Variants in WWOX observed in about 807,000 individuals in gnomAD.
The protein encoded by WWOX is WW domain containing oxidoreductase.
A neutral mutation model predicts 46.2 loss-of-function variants in WWOX; 69 were observed. That is an observed-to-expected ratio of 1.49 (90% CI 1.23 to 1.82). WWOX has a LOEUF of 1.82. Among genes scored for constraint, WWOX ranks in the 40% most tolerant of loss-of-function variants. WWOX has a pLI of 0.00. For synonymous variants in WWOX, 359 were observed against 202.6 expected, an observed-to-expected ratio of 1.77 and a Z score of -6.56; for missense variants, 919 against 542.6, an observed-to-expected ratio of 1.69 and a Z score of -6.89.
intron 8 of WWOX, among the ~76,000 whole-genome samples, chr16:78,632,800 C>G (rs1002287489): frequency 1.3e-5 from 2 of 151,870 alleles, no homozygotes; most frequent in Non-Finnish European, 2.9e-5. Context: ...TCAGGTGATC[C>G]ACCCGCCTCA....
chr16:78,169,325 G>A (rs16947208), intron 5 of WWOX, among the ~76,000 whole-genome samples: 7,958 of 152,136 alleles, frequency 0.052, 341 homozygotes, highest in East Asian at 0.24. Flanking sequence ...AGTTCTCTAA[G>A]TCTGGGACAA....
At chr16:78,645,675 G>T (rs534113931) in intron 8 of WWOX, among the ~76,000 whole-genome samples, 1 of 152,056 alleles carries the variant, frequency 6.6e-6, no homozygotes, top group Non-Finnish European at 1.5e-5. Context: ...AATAGAGGGA[G>T]AACATTAATC....
chr16:78,456,660 G>A (rs2083824389), intron 8 of WWOX, among the ~76,000 whole-genome samples: 1 of 152,158 alleles, frequency 6.6e-6, no homozygotes, highest in African/African-American at 2.4e-5. Context: ...GAAACATCCT[G>A]ATATATTTTT....
At chr16:79,141,263 T>A (rs572888307) in intron 8 of WWOX, among the ~76,000 whole-genome samples, 3 of 152,282 alleles carry the variant, frequency 2.0e-5, no homozygotes, top group East Asian at 3.9e-4. Context: ...TTGCTCTGAG[T>A]TGTCCCACCT....
At chr16:79,092,478 G>C (rs1028911526) in intron 8 of WWOX, among the ~76,000 whole-genome samples, 4 of 152,118 alleles carry the variant, frequency 2.6e-5, no homozygotes, top group Non-Finnish European at 4.4e-5. Context: ...TCACCACCAG[G>C]CTGACCCTAT....
At chr16:78,568,660 A>C (rs1344756884) in intron 8 of WWOX, among the ~76,000 whole-genome samples, 1 of 151,774 alleles carries the variant, frequency 6.6e-6, no homozygotes, top group Non-Finnish European at 1.5e-5. Context: ...ATTTTAGTAG[A>C]GGTGGGGTTT....
intron 6 of WWOX, among the ~76,000 whole-genome samples, chr16:78,391,583 C>T (rs2082174959): frequency 6.6e-6 from 1 of 152,190 alleles, no homozygotes. Flanking sequence ...CACGGTGGCT[C>T]ACACATGTAA....
chr16:78,719,648 C>G (rs775315890), intron 8 of WWOX, among the ~76,000 whole-genome samples: 1 of 152,064 alleles, frequency 6.6e-6, no homozygotes, highest in Non-Finnish European at 1.5e-5. Flanking sequence ...TTAGATTGCT[C>G]TGTCTTACAC....
At chr16:78,471,894 C>G (rs1222629735) in intron 8 of WWOX, among the ~76,000 whole-genome samples, 3 of 151,826 alleles carry the variant, frequency 2.0e-5, no homozygotes, top group Non-Finnish European at 4.4e-5. Context: ...TTCTATTCAC[C>G]AAAATATTCC....
At chr16:78,724,235 C>A (rs896061718) in intron 8 of WWOX, among the ~76,000 whole-genome samples, 1 of 152,182 alleles carries the variant, frequency 6.6e-6, no homozygotes, top group African/African-American at 2.4e-5. Context: ...GTTGAGCAGT[C>A]TTCTAGGGCC....
intron 5 of WWOX, among the ~76,000 whole-genome samples, chr16:78,313,723 A>G (rs150193007): frequency 2.0e-5 from 3 of 152,212 alleles, no homozygotes; most frequent in Non-Finnish European, 2.9e-5. Context: ...TGTCCCTGCC[A>G]TCTAAATGCT....
intron 8 of WWOX, among the ~76,000 whole-genome samples, chr16:78,774,048 A>G (rs990669282): frequency 2.6e-5 from 4 of 152,122 alleles, no homozygotes; most frequent in Admixed American, 2.0e-4. Context: ...TAATTTTTTC[A>G]TGTTCCTTGA....
At chr16:78,899,512 T>A (rs1392482387) in intron 8 of WWOX, 1 of 152,196 alleles carries the variant, frequency 6.6e-6, no homozygotes, top group East Asian at 1.9e-4. Context: ...AAATGTTAGT[T>A]ATTATTTTAA....
At chr16:79,092,446 T>C (rs1406552581) in intron 8 of WWOX, among the ~76,000 whole-genome samples, 3 of 152,162 alleles carry the variant, frequency 2.0e-5, no homozygotes, top group Non-Finnish European at 2.9e-5. Flanking sequence ...CTCATGGATG[T>C]GCACCCTTGC....
chr16:78,491,235 C>G (rs936485459), intron 8 of WWOX, among the ~76,000 whole-genome samples: 9 of 152,200 alleles, frequency 5.9e-5, no homozygotes, highest in African/African-American at 9.7e-5. Context: ...ATCACCTTCC[C>G]TCTCAGTCAG....
chr16:78,944,560 G>T (rs779364508), intron 8 of WWOX, among the ~76,000 whole-genome samples: 1 of 151,998 alleles, frequency 6.6e-6, no homozygotes, highest in African/African-American at 2.4e-5. Context: ...CTTGAGTTTC[G>T]TACACATCTA....
intron 8 of WWOX, among the ~76,000 whole-genome samples, chr16:78,453,270 A>C (rs921437278): frequency 1.3e-5 from 2 of 152,056 alleles, no homozygotes; most frequent in African/African-American, 4.8e-5. Context: ...CTAAAAGTAC[A>C]GAAATTAGTT....
chr16:79,018,504 G>C (rs1209445936), intron 8 of WWOX, among the ~76,000 whole-genome samples: 1 of 152,172 alleles, frequency 6.6e-6, no homozygotes, highest in African/African-American at 2.4e-5. Flanking sequence ...CCCAAGAGGA[G>C]AAGGGATTTG....
intron 5 of WWOX, chr16:78,265,932 G>C (rs1340566414): frequency 1.3e-5 from 2 of 152,146 alleles, no homozygotes; most frequent in East Asian, 3.9e-4. Context: ...TGATGAAGTG[G>C]GTGTTAATCC....
Sources: gnomAD v4.1 joint callset for allele counts (sites outside exome capture counted in the v4.1 genomes callset) on GRCh38, gnomAD v4.1.1 for gene constraint, MANE v1.5 for transcripts, NCBI Gene and HGNC (gene_info 2026-07-23, HGNC 2026-07-21) for gene names.